WDR27: variants seen among roughly 807,000 people sequenced by gnomAD.
The protein encoded by WDR27 is WD repeat-containing protein 27.
Under a neutral mutation model 114.4 loss-of-function variants are expected in WDR27, and 100 were observed. The ratio of observed to expected loss-of-function variants is 0.87; its 90% CI spans 0.74 to 1.03. WDR27 has a LOEUF of 1.03. WDR27 is among the 50% of genes least tolerant of loss of function. WDR27 has a pLI of 0.00. For synonymous variants in WDR27, 449 were observed against 423.1 expected (o/e 1.06, Z -0.75); for missense variants, 1,129 against 1,092.9 (o/e 1.03, Z -0.47).
Position 169,651,944 on chromosome 6 carries a change from A to G in WDR27, c.1467T>C (p.Tyr489=). The G allele has an allele frequency of 6.2e-7, 1 of 1,613,840 alleles. No individual in the cohort carries two copies. The change falls in exon 14 of 26, where the codon TAT becomes TAC. Residue 489 remains tyrosine (Y), a synonymous_variant. Transcript: ENST00000448612. ...VFHSKVRSSG[Y]ASAPHVTMFS... ...AGTTCACTCACTGTGGTGCTGACGC[A>G]TAACCAGATGACCTAACTTTACTAT...
chr6:169,559,924 T>G (rs752584915), intron 25 of WDR27: 2 of 152,220 alleles, frequency 1.3e-5, no homozygotes, highest in African/African-American at 2.4e-5. Context: ...CTCAGTTTCC[T>G]TACCTGCGAT....
rs1778549435 is a variant in WDR27, at chr6:169,670,859, T to C, written c.332-166A>G. 9 of 946,016 alleles carry C rather than the reference T, an allele frequency of 9.5e-6. No individual in the cohort carries two copies. The Admixed American group carries it at 2.0e-4, about 21-fold the overall frequency. The allele number at this position is 946,016 out of a possible 1,614,324, so 58.6% of individuals were successfully genotyped here. A position where few individuals can be genotyped will look rare whatever the true frequency, so the allele number is the denominator to read the frequency against. The stretch of plus-strand genomic sequence containing the variant: ...TTAAGAATATCAAAAATACTGGATA[T>C]ACAGAAGTCTTCTGAAAACCTGGGG... On this transcript the variant is annotated intron_variant, in intron 3 of 25. Coordinates refer to ENST00000448612, the MANE Select transcript of WDR27 (RefSeq NM_182552.5).
At chr6:169,622,743 G>A (rs543348571) in intron 21 of WDR27, among the ~76,000 whole-genome samples, 7 of 152,324 alleles carry the variant, frequency 4.6e-5, no homozygotes, top group African/African-American at 1.4e-4. Context: ...TTCGACACGG[G>A]AGAAGCGTCC....
chr6:169,572,212 A>C lies in WDR27; in HGVS notation c.2645+207T>G, dbSNP rs191338527. ...GTAAAACATTGAGTCTGAAGTATAA[A>C]GAGATGAAGGATATAAACATGCAAT... On this transcript the variant is annotated intron_variant, in intron 25 of 25. Transcript: ENST00000448612. Among the ~76,000 whole-genome samples, 334 of 152,322 alleles carry C rather than the reference A, an allele frequency of 2.2e-3. 1 individual carries two copies. Among genetic ancestry groups the C allele is most frequent in the Middle Eastern group, 0.017 (5 of 294 alleles).
At chr6:169,690,489 C>T (rs1201784683) in intron 1 of WDR27, among the ~76,000 whole-genome samples, 2 of 152,190 alleles carry the variant, frequency 1.3e-5, no homozygotes, top group African/African-American at 2.4e-5. Flanking sequence ...ACCTTGGGAG[C>T]TCTTCCCATT....
intron 25 of WDR27, among the ~76,000 whole-genome samples, chr6:169,494,424 C>T (rs1337430537): frequency 6.6e-6 from 1 of 152,100 alleles, no homozygotes; most frequent in African/African-American, 2.4e-5. Context: ...TAATCCACAC[C>T]ACTATAAGAC....
chr6:169,660,694 G>C lies in WDR27; in HGVS notation c.1098C>G (p.Asn366Lys). 1.9e-6 allele frequency: 3 copies of C among 1,613,916 alleles called. No homozygotes were observed. Among genetic ancestry groups the C allele is most frequent in the Non-Finnish European group, 8.5e-7 (1 of 1,179,848 alleles). The part of the protein sequence containing the change: ...SVGLFVFNLA[N>K]LEVEAALYYK... ...AATACAAAGCAGCTTCCACTTCCAG[G>C]TTTGCCAGGTTAAATACGAATAAGC... is the stretch of plus-strand genomic sequence containing the variant. Residue 366 changes from asparagine to lysine, a missense_variant, in exon 10 of 26, where the codon AAC becomes AAG. Physicochemically the swap from Asn to Lys is moderately conservative, Grantham distance 94 (BLOSUM62 0). Transcript: ENST00000448612.
At chr6:169,454,029 G>C (rs1784252755), downstream of WDR27, among the ~76,000 whole-genome samples, 1 of 152,104 alleles carries the variant, frequency 6.6e-6, no homozygotes, top group South Asian at 2.1e-4. Context: ...TACAATAACA[G>C]TAAAAATAAA....
intron 25 of WDR27, among the ~76,000 whole-genome samples, chr6:169,478,358 A>C (rs1787480991): frequency 6.6e-6 from 1 of 152,232 alleles, no homozygotes; most frequent in Non-Finnish European, 1.5e-5. Flanking sequence ...AGATTATTCA[A>C]AAGAAATTAT....
At chr6:169,440,179 T>C in the WDR27 span, among the ~76,000 whole-genome samples, 2 of 152,150 alleles carry the variant, frequency 1.3e-5, no homozygotes, top group East Asian at 3.9e-4. Context: ...TCTAATGATC[T>C]TTTGTAAAAA....
chr6:169,638,322 CAAAAAAAAAAAAA>C lies in WDR27; in HGVS notation c.1869+204_1869+216del, dbSNP rs60501000. On this transcript the variant is annotated intron_variant, in intron 18 of 25. Transcript: ENST00000448612. ...TGGGCGACAGAGCGAGACTCCGTCT[CAAAAAAAAAAAAA>C]AAAAAAAAAAAAAAAAGAAACTAAT... 5.4e-4 allele frequency among the ~76,000 whole-genome samples: 6 copies of C among 11,062 alleles called. 1 individual carries two copies. The Admixed American group carries it at 5.9e-3, about 11-fold the overall frequency. The allele number at this position is 11,062 out of a possible 152,430, so 7.3% of individuals were successfully genotyped here.
At position 169,638,569 on chromosome 6, in the gene WDR27, C is replaced by T. The variant is rs759161050; in HGVS notation, c.1839G>A (p.Ser613=). 1.9e-5 allele frequency: 30 copies of T among 1,610,708 alleles called. No homozygotes were observed. Among genetic ancestry groups the T allele is most frequent in the Non-Finnish European group, 2.4e-5 (28 of 1,178,890 alleles). ...AARDGTLRMW[S]ARGAELALLL... ...GCAGTGCGAGCTCTGCCCCACGAGC[C>T]GACCACATTCGCAGGGTCCCGTCCC... Residue 613 remains serine (S), a synonymous_variant, in exon 18 of 26, where the codon TCG becomes TCA. Coordinates refer to ENST00000448612, the MANE Select transcript of WDR27 (RefSeq NM_182552.5).
intron 25 of WDR27, among the ~76,000 whole-genome samples, chr6:169,512,785 C>T (rs1470459012): frequency 6.6e-6 from 1 of 152,018 alleles, no homozygotes; most frequent in Non-Finnish European, 1.5e-5. Context: ...TCATGTTTGA[C>T]GTTTCAAGAA....
rs116435992 is a variant in WDR27 at position 169,637,639 on chromosome 6, T to C, written c.1869+900A>G. On this transcript the variant is annotated intron_variant, in intron 18 of 25. Coordinates refer to ENST00000448612, the MANE Select transcript of WDR27 (RefSeq NM_182552.5). ...TGTGGCAAGTATGTAAGCATGCGTATGTGTATGCATCTCCATGTGTGTGAA... is the reference window on the plus strand; with the variant it reads ...TGTGGCAAGTATGTAAGCATGCGTACGTGTATGCATCTCCATGTGTGTGAA... Among the ~76,000 whole-genome samples, 1,197 of 152,128 alleles carry C rather than the reference T, an allele frequency of 7.9e-3. 12 individuals carry two copies. The highest frequency in any genetic ancestry group is 0.027 in the African/African-American group (1,132 of 41,472).
At chr6:169,686,326 G>GA (rs1165408303) in intron 2 of WDR27, among the ~76,000 whole-genome samples, 1 of 151,846 alleles carries the variant, frequency 6.6e-6, no homozygotes, top group Non-Finnish European at 1.5e-5. Context: ...CCACCCAACT[G>GA]AAAAAATAAA....
At chr6:169,613,511 T>C (rs775543418) in intron 22 of WDR27, 48 bp downstream of exon 22, 3 of 1,449,658 alleles carry the variant, frequency 2.1e-6, no homozygotes, top group African/African-American at 1.4e-5. Flanking sequence ...TGAGCTTATA[T>C]CTCTTGAGCT....
At chr6:169,444,652 T>C in the WDR27 span, among the ~76,000 whole-genome samples, 2 of 151,276 alleles carry the variant, frequency 1.3e-5, no homozygotes. Flanking sequence ...CCTCAAGAGA[T>C]GGTGGACTGT....
At chr6:169,646,139 G>A (rs907015797) in intron 16 of WDR27, among the ~76,000 whole-genome samples, 3 of 152,184 alleles carry the variant, frequency 2.0e-5, no homozygotes, top group African/African-American at 7.2e-5. Flanking sequence ...TCGGCATGGG[G>A]GTCTGCAGGT....
intron 3 of WDR27, chr6:169,670,980 A>G (rs1778586449): frequency 3.1e-6 from 1 of 318,496 alleles, no homozygotes; most frequent in Non-Finnish European, 5.7e-6. Context: ...AATCATGCAC[A>G]TCAAACTGCA....
Sources: gnomAD v4.1 joint callset for allele counts (sites outside exome capture counted in the v4.1 genomes callset) on GRCh38, gnomAD v4.1.1 for gene constraint, MANE v1.5 for transcripts, NCBI Gene and HGNC (gene_info 2026-07-23, HGNC 2026-07-21) for gene names.